Variants in MIA2 observed in about 807,000 individuals in gnomAD.
MIA2 encodes the protein MIA SH3 domain ER export factor 2, also known as melanoma inhibitory activity protein 2.
MIA2 carries 127 observed loss-of-function variants against 167.8 expected under a neutral mutation model. That is an observed-to-expected ratio of 0.76 (90% CI 0.66 to 0.88). The LOEUF (loss-of-function observed/expected upper bound fraction) is 0.88. Ranked by LOEUF, MIA2 falls within the 40% of genes least tolerant of loss-of-function variation. The probability of loss-of-function intolerance (pLI) is 0.00; values close to 1 mark genes in which losing one functional copy is unlikely to be tolerated. For missense variants in MIA2, 1,690 were observed against 1,624.7 expected, an observed-to-expected ratio of 1.04 and a Z score of -0.69; for synonymous variants, 552 against 541.9, an observed-to-expected ratio of 1.02 and a Z score of -0.26.
intron 23 of MIA2, among the ~76,000 whole-genome samples, chr14:39,367,609 C>G (rs964410189): frequency 6.6e-6 from 1 of 152,246 alleles, no homozygotes; most frequent in African/African-American, 2.4e-5. Context: ...GGGCACCCAG[C>G]TGAGCTGGCT....
chr14:39,244,109 G>T (rs2054183309), intron 3 of MIA2, among the ~76,000 whole-genome samples: 2 of 152,230 alleles, frequency 1.3e-5, no homozygotes, highest in African/African-American at 2.4e-5. Flanking sequence ...TGGAATGGGG[G>T]TCTTACGCCC....
chr14:39,255,908 G>C (rs990908554), intron 6 of MIA2, among the ~76,000 whole-genome samples: 1 of 152,122 alleles, frequency 6.6e-6, no homozygotes, highest in Non-Finnish European at 1.5e-5. Context: ...TGTGATCTTG[G>C]AAAGTCACTT....
At chr14:39,284,367 T>A (rs2059339891) in intron 9 of MIA2, among the ~76,000 whole-genome samples, 1 of 152,196 alleles carries the variant, frequency 6.6e-6, no homozygotes, top group South Asian at 2.1e-4. Flanking sequence ...CATATTTATT[T>A]GGATTTATTT....
chr14:39,313,913 A>T (rs1033166932), intron 19 of MIA2, among the ~76,000 whole-genome samples: 12 of 152,340 alleles, frequency 7.9e-5, no homozygotes, highest in African/African-American at 2.4e-4. Context: ...ATCCCAGGAA[A>T]TAGAAAATAT....
rs1555343285 is a variant in MIA2, at chr14:39,246,082, T to TTTTATTTATTTGTTTA, written c.337-818_337-817insGTTTATTTATTTATTT. ...AAACATTTCAATTATTTTTAAAAATTTTTATTTATTTATTTATTTATTTAT... is the reference window on the plus strand; with the variant it reads ...AAACATTTCAATTATTTTTAAAAATTTTTATTTATTTGTTTATTTATTTATTTATTTATTTATTTAT... On this transcript the variant is annotated intron_variant, in intron 3 of 28. Transcript: ENST00000640607. Among the ~76,000 whole-genome samples the TTTTATTTATTTGTTTA allele has an allele frequency of 2.1e-5, 3 of 143,304 alleles. No individual in the cohort carries two copies. The East Asian group carries it at 6.2e-4, about 30-fold the overall frequency. 94.0% of individuals were successfully genotyped at this position (143,304 alleles called of 152,430 possible).
Position 39,308,549 on chromosome 14 carries a change from G to C in MIA2, c.2979G>C (p.Met993Ile), listed in dbSNP as rs778485778. 6.4e-7 allele frequency: 1 copy of C among 1,570,684 alleles called. No individual in the cohort carries two copies. The highest frequency in any genetic ancestry group is 1.2e-5 in the South Asian group (1 of 84,764). Residue 993 changes from methionine (M) to isoleucine (I), a missense_variant, in exon 18 of 29, where the codon ATG becomes ATC. Transcript: ENST00000640607. ...AGCTTCAACAGAAACTTAAAGTAAT[G>C]ACTGAATTATATCAAGAAAATGAAA... is the stretch of plus-strand genomic sequence containing the variant. Reference protein sequence around the residue: ...NQKLQQKLKVMTELYQENEMK... With the variant: ...NQKLQQKLKVITELYQENEMK...
At chr14:39,240,496 AG>A in intron 2 of MIA2, 64 bp from the exon 3 acceptor site, 1 of 1,256,142 alleles carries the variant, frequency 8.0e-7, no homozygotes, top group Non-Finnish European at 1.2e-6. Context: ...GGACAAAATT[AG>A]GTTCAATAAT....
chr14:39,347,366 A>G (rs2073511126), intron 26 of MIA2, among the ~76,000 whole-genome samples: 1 of 152,160 alleles, frequency 6.6e-6, no homozygotes, highest in Non-Finnish European at 1.5e-5. Context: ...GGAAGGAAGA[A>G]GAGGAGGAAG....
intron 1 of MIA2, among the ~76,000 whole-genome samples, chr14:39,235,583 G>T (rs1038825500): frequency 6.6e-6 from 1 of 151,812 alleles, no homozygotes; most frequent in Non-Finnish European, 1.5e-5. Context: ...TTTGAGACCA[G>T]CCTGGGCAAC....
In MIA2 at chr14:39,347,745, A is replaced by C; in HGVS notation, c.3811A>C (p.Arg1271=). The C allele has an allele frequency of 6.2e-7, 1 of 1,611,862 alleles. No homozygotes were observed. Among genetic ancestry groups the C allele is most frequent in the Non-Finnish European group, 8.5e-7 (1 of 1,178,894 alleles). ...AATGCCTTCAGAAATGGAATCCAGT[A>C]GAAATGATACCAAAGATGATCTTGG... ...GSMPSEMESS[R]NDTKDDLGNL... Residue 1271 remains arginine (R), a synonymous_variant, in exon 27 of 29, where the codon AGA becomes CGA. Transcript: ENST00000640607.
At chr14:39,279,920 T>C (rs1375653208) in intron 9 of MIA2, among the ~76,000 whole-genome samples, 3 of 152,200 alleles carry the variant, frequency 2.0e-5, no homozygotes, top group African/African-American at 4.8e-5. Context: ...AGGCCTTGTC[T>C]CCAAATACAG....
intron 6 of MIA2, among the ~76,000 whole-genome samples, chr14:39,263,312 T>A (rs1053983107): frequency 4.6e-5 from 7 of 152,236 alleles, no homozygotes; most frequent in African/African-American, 1.7e-4. Flanking sequence ...ATGTGATGGA[T>A]TACATTTATT....
chr14:39,272,348 T>A (rs1342992732), intron 6 of MIA2, among the ~76,000 whole-genome samples: 4 of 151,766 alleles, frequency 2.6e-5, no homozygotes, highest in African/African-American at 9.7e-5. Flanking sequence ...CGAGACTCCA[T>A]CCCAAAAAAA....
At chr14:39,336,069 G>A (rs73279309) in intron 25 of MIA2, among the ~76,000 whole-genome samples, 2,930 of 152,304 alleles carry the variant, frequency 0.019, 102 homozygotes, top group African/African-American at 0.067. Context: ...ATAAACATGA[G>A]TGCTTGTGCC....
chr14:39,284,311 A>C (rs113379875), intron 9 of MIA2, among the ~76,000 whole-genome samples: 9 of 152,140 alleles, frequency 5.9e-5, no homozygotes, highest in African/African-American at 2.2e-4. Flanking sequence ...TGATGAGACT[A>C]TTCTTTCTGC....
At chr14:39,310,025 C>T (rs371805956) in intron 18 of MIA2, among the ~76,000 whole-genome samples, 18 of 151,536 alleles carry the variant, frequency 1.2e-4, no homozygotes, top group African/African-American at 3.6e-4. Context: ...ATAGTTATTA[C>T]AGTTGTTCCT....
chr14:39,374,013 G>A (rs1183700166), intron 23 of MIA2, among the ~76,000 whole-genome samples: 1 of 152,130 alleles, frequency 6.6e-6, no homozygotes, highest in Admixed American at 6.5e-5. Flanking sequence ...CTCAAGGTGT[G>A]AGACTGGACC....
chr14:39,235,765 A>C (rs560073936), intron 1 of MIA2, among the ~76,000 whole-genome samples: 2 of 152,156 alleles, frequency 1.3e-5, no homozygotes, highest in African/African-American at 4.8e-5. Context: ...GCAACAGAAC[A>C]AGACCCTGCC....
intron 18 of MIA2, 54 bp from the exon 19 acceptor site, chr14:39,313,286 A>C: frequency 1.1e-6 from 1 of 883,920 alleles, no homozygotes; most frequent in South Asian, 2.0e-5. Context: ...AAAATATAGA[A>C]TTGATTATCT....
Sources: allele counts gnomAD v4.1 joint callset (sites outside exome capture counted in the v4.1 genomes callset), GRCh38; gene constraint gnomAD v4.1.1; transcripts MANE v1.5; gene names NCBI Gene and HGNC (gene_info 2026-07-23, HGNC 2026-07-21).